Variants in NELL1 observed in about 807,000 individuals in gnomAD.
NELL1 encodes the protein neural EGFL like 1.
A neutral mutation model predicts 107.4 loss-of-function variants in NELL1; 76 were observed. That is an observed-to-expected ratio of 0.71 (90% confidence interval 0.59 to 0.86). NELL1 has a LOEUF of 0.86. NELL1 is among the 40% of genes least tolerant of loss of function. The pLI, the probability that NELL1 is intolerant of heterozygous loss-of-function variation, is 0.00. For missense variants in NELL1, 1,024 were observed against 1,005.5 expected (o/e 1.02, Z -0.25); for synonymous variants, 353 against 341.2 (o/e 1.03, Z -0.38).
chr11:21,385,147 G>A lies in NELL1; in HGVS notation c.1645+14199G>A, dbSNP rs190712869. Among the ~76,000 whole-genome samples, 419 of 151,650 alleles carry A rather than the reference G, an allele frequency of 2.8e-3. 1 individual carries two copies. Among genetic ancestry groups the A allele is most frequent in the Admixed American group, 5.3e-3 (81 of 15,178 alleles). ...TCCCATTGCTGTGTTATTGTTCTTC[G>A]GAGCCTTTATCACTCTCTGACACAA... On this transcript the variant is annotated intron_variant, in intron 15 of 19. Transcript: ENST00000357134.
rs889742529 is a variant in NELL1 at position 21,497,743 on chromosome 11, T to C, written c.1646-36631T>C. ...TTTTCTTCCTATACATTTAGATCTA[T>C]CCAGTTCTGTAGGGGGTATAACATT... On this transcript the variant is annotated intron_variant, in intron 15 of 19. Transcript: ENST00000357134. 2.6e-5 allele frequency among the ~76,000 whole-genome samples: 4 copies of C among 152,184 alleles called. No homozygotes were observed. In the East Asian group the frequency reaches 7.7e-4, roughly 29 times the overall value.
chr11:20,755,546 T>TGTTTG (rs1299733045), intron 2 of NELL1, among the ~76,000 whole-genome samples: 4 of 45,552 alleles, frequency 8.8e-5, no homozygotes, highest in African/African-American at 2.4e-4. Flanking sequence ...TTTTGTTTTT[T>TGTTTG]TTTGTTTTTG....
chr11:20,875,313 T>A (rs1252690924), intron 4 of NELL1, among the ~76,000 whole-genome samples: 4 of 152,220 alleles, frequency 2.6e-5, no homozygotes, highest in Non-Finnish European at 4.4e-5. Flanking sequence ...CCCTAATTCC[T>A]GCCTATTAAT....
chr11:21,486,980 A>G (rs1368978029), intron 15 of NELL1, among the ~76,000 whole-genome samples: 2 of 152,166 alleles, frequency 1.3e-5, no homozygotes, highest in Non-Finnish European at 2.9e-5. Context: ...GACACCATAA[A>G]CCAACTGATT....
At chr11:21,156,570 A>G (rs16907565) in intron 13 of NELL1, among the ~76,000 whole-genome samples, 1 of 151,940 alleles carries the variant, frequency 6.6e-6, no homozygotes, top group African/African-American at 2.4e-5. Context: ...GTCAGGGACC[A>G]GGGTACTGGA....
intron 12 of NELL1, among the ~76,000 whole-genome samples, chr11:21,068,172 A>T (rs1853926682): frequency 6.6e-6 from 1 of 151,492 alleles, no homozygotes. Context: ...TGTATCCTAG[A>T]CCCTGTGCCT....
At chr11:20,693,576 T>C (rs1401602359) in intron 2 of NELL1, among the ~76,000 whole-genome samples, 1 of 152,178 alleles carries the variant, frequency 6.6e-6, no homozygotes, top group Non-Finnish European at 1.5e-5. Flanking sequence ...AAATTCTGGG[T>C]TGAAAATTCT....
At chr11:21,204,441 CTG>C (rs1857344555) in intron 13 of NELL1, among the ~76,000 whole-genome samples, 2 of 151,832 alleles carry the variant, frequency 1.3e-5, no homozygotes, top group African/African-American at 4.8e-5. Flanking sequence ...TGTTCTCATG[CTG>C]TGTTTTTCAG....
intron 15 of NELL1, among the ~76,000 whole-genome samples, chr11:21,479,990 C>G (rs1854452085): frequency 6.6e-6 from 1 of 152,140 alleles, no homozygotes. Context: ...GCTCTACTTT[C>G]CTTTCCCTGA....
intron 5 of NELL1, among the ~76,000 whole-genome samples, chr11:20,897,809 A>T: frequency 6.6e-6 from 1 of 152,250 alleles, no homozygotes; most frequent in African/African-American, 2.4e-5. Context: ...CAAAAGACAC[A>T]TGAAAAAATG....
intron 4 of NELL1, among the ~76,000 whole-genome samples, chr11:20,867,416 T>G (rs1010615033): frequency 6.6e-6 from 1 of 152,092 alleles, no homozygotes; most frequent in Admixed American, 6.6e-5. Context: ...GCAGCAGTAG[T>G]AGGATAAGGA....
chr11:21,064,110 G>C (rs934433015), intron 12 of NELL1, among the ~76,000 whole-genome samples: 1 of 152,138 alleles, frequency 6.6e-6, no homozygotes, highest in South Asian at 2.1e-4. Flanking sequence ...TTCTGTCATA[G>C]TCAGGAAACA....
chr11:20,878,413 G>A (rs930988339), intron 4 of NELL1, among the ~76,000 whole-genome samples: 4 of 148,306 alleles, frequency 2.7e-5, no homozygotes, highest in South Asian at 2.2e-4. Flanking sequence ...TCAAGTTGTC[G>A]ACTGCTTTTC....
chr11:21,125,702 C>G (rs1045429441), intron 13 of NELL1, among the ~76,000 whole-genome samples: 1 of 152,144 alleles, frequency 6.6e-6, no homozygotes, highest in Non-Finnish European at 1.5e-5. Context: ...TATCCTTCCA[C>G]GGGTGTCTGA....
At chr11:20,975,446 G>A (rs970026172) in intron 12 of NELL1, among the ~76,000 whole-genome samples, 1 of 149,856 alleles carries the variant, frequency 6.7e-6, no homozygotes, top group Non-Finnish European at 1.5e-5. Context: ...ATTAGTTCTG[G>A]TATAGCTTCA....
intron 15 of NELL1, among the ~76,000 whole-genome samples, chr11:21,476,188 A>G (rs1256062817): frequency 1.3e-5 from 2 of 152,174 alleles, no homozygotes; most frequent in Non-Finnish European, 2.9e-5. Context: ...TATATATACT[A>G]TAGAAAATAA....
At chr11:21,048,495 TC>T (rs1461700141) in intron 12 of NELL1, among the ~76,000 whole-genome samples, 9 of 152,190 alleles carry the variant, frequency 5.9e-5, no homozygotes, top group Non-Finnish European at 1.3e-4. Flanking sequence ...TACAATCCTC[TC>T]TTGGATAATG....
intron 15 of NELL1, among the ~76,000 whole-genome samples, chr11:21,421,315 G>C (rs560145972): frequency 1.4e-4 from 21 of 152,166 alleles, no homozygotes; most frequent in African/African-American, 5.1e-4. Flanking sequence ...CAGTGTCCAG[G>C]GGAAGCCTTG....
At chr11:20,754,770 C>CTTATGTT (rs1856221701) in intron 2 of NELL1, among the ~76,000 whole-genome samples, 2 of 152,152 alleles carry the variant, frequency 1.3e-5, no homozygotes, top group Admixed American at 6.5e-5. Context: ...ATGGATATAA[C>CTTATGTT]ACAAACAATC....
Sources: gnomAD v4.1 joint callset for allele counts (sites outside exome capture counted in the v4.1 genomes callset) on GRCh38, gnomAD v4.1.1 for gene constraint, MANE v1.5 for transcripts, NCBI Gene and HGNC (gene_info 2026-07-23, HGNC 2026-07-21) for gene names.